PRKCQ: variants seen among roughly 807,000 people sequenced by gnomAD.
PRKCQ encodes protein kinase C theta, also known as protein kinase C theta type.
Under a neutral mutation model 91.2 loss-of-function variants are expected in PRKCQ, and 41 were observed. That is an observed-to-expected ratio of 0.45 (90% CI 0.35 to 0.58). PRKCQ has a LOEUF of 0.58. Ranked by LOEUF, PRKCQ falls within the 20% of genes least tolerant of loss-of-function variation. PRKCQ has a pLI of 0.00. For missense variants in PRKCQ, 673 were observed against 896.5 expected (o/e 0.75, Z 3.18); for synonymous variants, 307 against 316.9 (o/e 0.97, Z 0.33).
At chr10:6,531,543 C>G (rs1053506392) in intron 1 of PRKCQ, among the ~76,000 whole-genome samples, 3 of 151,262 alleles carry the variant, frequency 2.0e-5, no homozygotes, top group Non-Finnish European at 4.4e-5. Context: ...ATGGCAATGC[C>G]GAGAATATCT....
At chr10:6,510,929 TTCTGAGC>T in intron 3 of PRKCQ, 59 bp downstream of exon 3, 1 of 1,582,976 alleles carries the variant, frequency 6.3e-7, no homozygotes, top group East Asian at 2.2e-5. Flanking sequence ...GACATGGGAG[TTCTGAGC>T]CAGTCATCGG....
intron 1 of PRKCQ, among the ~76,000 whole-genome samples, chr10:6,553,504 A>AT (rs58093492): frequency 0.44 from 63,662 of 145,384 alleles, 18,095 homozygotes; most frequent in Admixed American, 0.59. Context: ...AAAAAAAAAA[A>AT]AAAAAAAAAA....
intron 1 of PRKCQ, among the ~76,000 whole-genome samples, chr10:6,560,969 G>T (rs1296276435): frequency 6.6e-6 from 1 of 151,372 alleles, no homozygotes; most frequent in East Asian, 1.9e-4. Flanking sequence ...AGCCTGGGAG[G>T]TGGAGTTTGC....
At chr10:6,562,947 C>A (rs1037553221) in intron 1 of PRKCQ, among the ~76,000 whole-genome samples, 1 of 152,114 alleles carries the variant, frequency 6.6e-6, no homozygotes, top group African/African-American at 2.4e-5. Context: ...TGTTTTCTTC[C>A]AAGATTTAGC....
chr10:6,412,195 G>T, the PRKCQ span, among the ~76,000 whole-genome samples: 29 of 152,212 alleles, frequency 1.9e-4, no homozygotes, highest in African/African-American at 7.0e-4. Flanking sequence ...ACAGGCATAT[G>T]CCATCATGCT....
rs779753118 is a variant in PRKCQ, at chr10:6,485,252, A to G, written c.918T>C (p.Asp306=). The stretch of plus-strand genomic sequence containing the variant: ...GACCTTCTCTGAAGATCTGTTCAGT[A>G]TCTCTTAAGCAGCGAGCCTGGATGA... ...ESTQQARCLR[D]TEQIFREGPV... Residue 306 remains aspartate, a synonymous_variant, in exon 10 of 18, where the codon GAT becomes GAC. Transcript: ENST00000263125. The G allele has an allele frequency of 8.7e-6, 14 of 1,614,006 alleles. 1 individual carries two copies. In the South Asian group the frequency reaches 1.5e-4, roughly 18 times the overall value.
chr10:6,487,142 C>T (rs1022361213), intron 8 of PRKCQ, among the ~76,000 whole-genome samples: 1 of 152,014 alleles, frequency 6.6e-6, no homozygotes, highest in Non-Finnish European at 1.5e-5. Flanking sequence ...CTGAAAACCT[C>T]GTGTGATTAT....
intron 12 of PRKCQ, among the ~76,000 whole-genome samples, chr10:6,475,754 T>G: frequency 6.6e-6 from 1 of 152,242 alleles, no homozygotes; most frequent in East Asian, 1.9e-4. Flanking sequence ...CCTTTTGCAT[T>G]CACTTGTGGT....
intron 15 of PRKCQ, among the ~76,000 whole-genome samples, chr10:6,451,285 A>G (rs1322931581): frequency 1.3e-5 from 2 of 151,782 alleles, no homozygotes; most frequent in Non-Finnish European, 2.9e-5. Flanking sequence ...ACCATCAGAG[A>G]ATACTACAAA....
intron 15 of PRKCQ, among the ~76,000 whole-genome samples, chr10:6,448,156 C>T (rs895768651): frequency 1.3e-5 from 2 of 152,048 alleles, no homozygotes; most frequent in Non-Finnish European, 2.9e-5. Flanking sequence ...TTTGTGTGGT[C>T]GTTTATTCAG....
the PRKCQ span, among the ~76,000 whole-genome samples, chr10:6,418,984 TATCTA>T: frequency 6.7e-6 from 1 of 149,696 alleles, no homozygotes; most frequent in African/African-American, 2.4e-5. Flanking sequence ...TCTATCTATC[TATCTA>T]TCTATCTATC....
At chr10:6,394,211 G>A in the PRKCQ span, among the ~76,000 whole-genome samples, 1 of 152,280 alleles carries the variant, frequency 6.6e-6, no homozygotes, top group Middle Eastern at 3.4e-3. Context: ...TGTAGCACTG[G>A]CCTTGTGATT....
intron 1 of PRKCQ, among the ~76,000 whole-genome samples, chr10:6,573,910 A>C (rs969000946): frequency 6.6e-6 from 1 of 152,176 alleles, no homozygotes; most frequent in Non-Finnish European, 1.5e-5. Flanking sequence ...TGAGCCCAGG[A>C]GTTAGAGACT....
intron 1 of PRKCQ, among the ~76,000 whole-genome samples, chr10:6,563,667 C>T (rs1388308686): frequency 1.3e-5 from 2 of 152,184 alleles, no homozygotes; most frequent in Non-Finnish European, 2.9e-5. Flanking sequence ...TCTTCCTGTA[C>T]AGGGTTTTCT....
chr10:6,461,932 C>A (rs12146312), intron 14 of PRKCQ, among the ~76,000 whole-genome samples: 30,031 of 151,942 alleles, frequency 0.2, 3,804 homozygotes, highest in Non-Finnish European at 0.27. Context: ...ATAAGCATTT[C>A]TAGGTGGCTC....
intron 1 of PRKCQ, among the ~76,000 whole-genome samples, chr10:6,517,721 C>T (rs533013796): frequency 7.0e-6 from 1 of 143,064 alleles, no homozygotes; most frequent in African/African-American, 2.6e-5. Flanking sequence ...AGGTCTTATA[C>T]ATTTAAAGAA....
rs570741761 is a variant in PRKCQ at position 6,446,184 on chromosome 10, G to T, written c.1648-4103C>A. On this transcript the variant is annotated intron_variant, in intron 15 of 17. Transcript: ENST00000263125. ...GCACAGTTATCCCTCTCCTATAGGGGGTGATGATTGGGCTTAGAAAGGCCA... is the reference window on the plus strand; with the variant it reads ...GCACAGTTATCCCTCTCCTATAGGGTGTGATGATTGGGCTTAGAAAGGCCA... Among the ~76,000 whole-genome samples, 14 of 152,134 alleles carry T rather than the reference G, an allele frequency of 9.2e-5. No homozygotes were observed. In the East Asian group the frequency reaches 2.5e-3, roughly 27 times the overall value.
At chr10:6,541,987 A>G (rs549424209) in intron 1 of PRKCQ, among the ~76,000 whole-genome samples, 1 of 152,288 alleles carries the variant, frequency 6.6e-6, no homozygotes, top group South Asian at 2.1e-4. Context: ...ATTCTGCGCT[A>G]TTTAAGTTTA....
chr10:6,476,419 A>G lies in PRKCQ; in HGVS notation c.1353+2573T>C, dbSNP rs189964160. ...TTTATAGTAACATACACAGAAAGATATAATAAAAATAAAATCAGTTATAAT... is the reference window on the plus strand; with the variant it reads ...TTTATAGTAACATACACAGAAAGATGTAATAAAAATAAAATCAGTTATAAT... On this transcript the variant is annotated intron_variant, in intron 12 of 17. Coordinates refer to ENST00000263125, the MANE Select transcript of PRKCQ (RefSeq NM_006257.5). Among the ~76,000 whole-genome samples the G allele has an allele frequency of 3.3e-3, 495 of 152,290 alleles. 1 individual carries two copies. Among genetic ancestry groups the G allele is most frequent in the African/African-American group, 0.012 (479 of 41,550 alleles).
Sources: allele counts gnomAD v4.1 joint callset (sites outside exome capture counted in the v4.1 genomes callset), GRCh38; gene constraint gnomAD v4.1.1; transcripts MANE v1.5; gene names NCBI Gene and HGNC (gene_info 2026-07-23, HGNC 2026-07-21).